TXNL4A: variants seen among roughly 807,000 people sequenced by gnomAD.
TXNL4A encodes the protein thioredoxin like 4A, also known as thioredoxin-like protein 4A.
A neutral mutation model predicts 14.6 loss-of-function variants in TXNL4A; 17 were observed. The ratio of observed to expected loss-of-function variants is 1.16; its 90% CI spans 0.80 to 1.74. The LOEUF (loss-of-function observed/expected upper bound fraction) is 1.74, where lower values mean the gene tolerates loss of function less well. Ranked by LOEUF, TXNL4A falls within the 40% of genes most tolerant of loss-of-function variation. The probability of loss-of-function intolerance (pLI) is 0.00; values close to 1 mark genes in which losing one functional copy is unlikely to be tolerated. For synonymous variants in TXNL4A, 83 were observed against 70.6 expected, an observed-to-expected ratio of 1.18 and a Z score of -0.88; for missense variants, 74 against 195.2, an observed-to-expected ratio of 0.38 and a Z score of 3.70.
chr18:79,980,810 C>T (rs1394311094), intron 1 of TXNL4A, among the ~76,000 whole-genome samples: 1 of 152,130 alleles, frequency 6.6e-6, no homozygotes, highest in Non-Finnish European at 1.5e-5. Flanking sequence ...TTCAAAACCC[C>T]AAAGTGAGCA....
At chr18:79,979,001 G>C (rs987833676) in intron 1 of TXNL4A, among the ~76,000 whole-genome samples, 14 of 151,024 alleles carry the variant, frequency 9.3e-5, no homozygotes, top group African/African-American at 3.4e-4. Flanking sequence ...GCAGTTGCAT[G>C]ATCTTGGCTC....
rs188335474 is a variant in TXNL4A, at chr18:80,003,101, C to T, written c.-60-25400G>A. On this transcript the variant is annotated intron_variant, in intron 1 of 2. Transcript: ENST00000585474. ...TCCAGCTTCAGCCTGGCCAAGCTTA[C>T]GCACTGACTGCGGCTTTCTCTGCTG... Among the ~76,000 whole-genome samples the T allele has an allele frequency of 3.2e-4, 48 of 152,376 alleles. No individual in the cohort carries two copies. In the East Asian group the frequency reaches 5.8e-3, roughly 18 times the overall value.
At chr18:80,009,478 G>C (rs889500691) in intron 1 of TXNL4A, among the ~76,000 whole-genome samples, 3 of 152,154 alleles carry the variant, frequency 2.0e-5, no homozygotes, top group Non-Finnish European at 2.9e-5. Flanking sequence ...TTGTCAGGAC[G>C]GGACACCAAC....
chr18:79,988,475 C>T lies in TXNL4A; in HGVS notation c.-83G>A. ...TGGGCTCAGCCGGCCCCTCACTCCCCGGCCCCCGCCGCCCCCGGGCCCACG... is the reference window on the plus strand; with the variant it reads ...TGGGCTCAGCCGGCCCCTCACTCCCTGGCCCCCGCCGCCCCCGGGCCCACG... On this transcript the variant is annotated 5_prime_UTR_variant, in exon 1 of 3. Coordinates refer to ENST00000269601, the MANE Select transcript of TXNL4A (RefSeq NM_006701.5). The T allele has an allele frequency of 4.0e-6, 5 of 1,242,046 alleles. No homozygotes were observed. Among genetic ancestry groups the T allele is most frequent in the Non-Finnish European group, 5.1e-6 (5 of 986,574 alleles). 76.9% of individuals were successfully genotyped at this position (1,242,046 alleles called of 1,614,324 possible).
intron 1 of TXNL4A, chr18:79,995,169 A>G (rs2051652683): frequency 6.6e-6 from 1 of 152,216 alleles, no homozygotes; most frequent in African/African-American, 2.4e-5. Context: ...GTTTGAGCTC[A>G]TTATCAGAAT....
At chr18:80,013,829 CTGA>C (rs2051788750) in intron 1 of TXNL4A, among the ~76,000 whole-genome samples, 1 of 152,174 alleles carries the variant, frequency 6.6e-6, no homozygotes, top group Admixed American at 6.5e-5. Flanking sequence ...TTTCATGCTG[CTGA>C]TAAAGACGTA....
At chr18:80,018,044 T>C (rs1378189323) in intron 1 of TXNL4A, among the ~76,000 whole-genome samples, 1 of 152,126 alleles carries the variant, frequency 6.6e-6, no homozygotes, top group Admixed American at 6.5e-5. Context: ...TTTCAGATCC[T>C]GTTATTGGTC....
chr18:79,987,898 G>T (rs1036619090), intron 1 of TXNL4A, among the ~76,000 whole-genome samples: 1 of 152,228 alleles, frequency 6.6e-6, no homozygotes, highest in African/African-American at 2.4e-5. Flanking sequence ...TTAAATTAAG[G>T]ATCCGCGCTC....
intron 1 of TXNL4A, among the ~76,000 whole-genome samples, chr18:80,021,661 T>A (rs1402754674): frequency 6.6e-6 from 1 of 152,026 alleles, no homozygotes; most frequent in African/African-American, 2.4e-5. Flanking sequence ...AAGATGGAGG[T>A]TCTGAACTAG....
intron 1 of TXNL4A, among the ~76,000 whole-genome samples, chr18:80,003,358 C>T (rs1195652028): frequency 3.3e-5 from 5 of 152,166 alleles, no homozygotes; most frequent in African/African-American, 1.2e-4. Flanking sequence ...GCTGCCTGGA[C>T]CCAGAGGGCA....
At chr18:80,010,944 G>T (rs1347115461) in intron 1 of TXNL4A, among the ~76,000 whole-genome samples, 1 of 152,032 alleles carries the variant, frequency 6.6e-6, no homozygotes, top group African/African-American at 2.4e-5. Flanking sequence ...TGCTGTTGGG[G>T]AGGTTGGGCA....
At chr18:79,985,880 T>C (rs933777553) in intron 1 of TXNL4A, 2 of 152,208 alleles carry the variant, frequency 1.3e-5, no homozygotes, top group African/African-American at 4.8e-5. Context: ...CACAGGGAAA[T>C]TTTTAAATAG....
chr18:79,974,643 T>A (rs1452251492), intron 2 of TXNL4A, among the ~76,000 whole-genome samples: 1 of 152,134 alleles, frequency 6.6e-6, no homozygotes, highest in Admixed American at 6.5e-5. Flanking sequence ...CACACCCAGA[T>A]AAATTTCTAG....
Position 80,012,936 on chromosome 18 carries a change from A to G in TXNL4A, c.-61+20915T>C, listed in dbSNP as rs75768877. Among the ~76,000 whole-genome samples the G allele has an allele frequency of 1.3e-3, 205 of 152,074 alleles. 1 individual carries two copies. Among genetic ancestry groups the G allele is most frequent in the African/African-American group, 4.8e-3 (200 of 41,508 alleles). ...CGGCCGCCCCCTCGCCCGTCACGCA[A>G]CGCACGTTCCTGGGGAACCTGGTGC... On this transcript the variant is annotated intron_variant, in intron 1 of 2. Transcript: ENST00000585474.
At chr18:79,997,778 G>A (rs2145101189) in intron 1 of TXNL4A, among the ~76,000 whole-genome samples, 1 of 152,280 alleles carries the variant, frequency 6.6e-6, no homozygotes, top group East Asian at 1.9e-4. Context: ...CTTCCTCCCA[G>A]GAAGATGGTC....
chr18:80,014,310 T>C (rs1427277703), intron 1 of TXNL4A, among the ~76,000 whole-genome samples: 1 of 142,456 alleles, frequency 7.0e-6, no homozygotes, highest in Admixed American at 6.9e-5. Flanking sequence ...AGCAAGTCCC[T>C]TCTACCTATG....
chr18:80,017,057 C>G (rs1357389735), intron 1 of TXNL4A, among the ~76,000 whole-genome samples: 11 of 148,278 alleles, frequency 7.4e-5, no homozygotes, highest in Admixed American at 1.3e-4. Flanking sequence ...GTTTGTAGTT[C>G]TCCTTGAAGA....
At chr18:79,986,504 G>T in intron 1 of TXNL4A, 1 of 872,648 alleles carries the variant, frequency 1.1e-6, no homozygotes, top group Non-Finnish European at 1.4e-6. Flanking sequence ...CACTATGTGT[G>T]TCCACTAGTG....
At chr18:80,017,309 C>T (rs2051818102) in intron 1 of TXNL4A, among the ~76,000 whole-genome samples, 1 of 152,196 alleles carries the variant, frequency 6.6e-6, no homozygotes, top group Non-Finnish European at 1.5e-5. Context: ...CATCTGCAAA[C>T]AGGGACAATT....
Sources: allele counts gnomAD v4.1 joint callset (sites outside exome capture counted in the v4.1 genomes callset), GRCh38; gene constraint gnomAD v4.1.1; transcripts MANE v1.5; gene names NCBI Gene and HGNC (gene_info 2026-07-23, HGNC 2026-07-21).